Variants in NOX3 observed in about 807,000 individuals in gnomAD.
NOX3 encodes the protein NADPH oxidase 3.
NOX3 carries 74 observed loss-of-function variants against 76.7 expected under a neutral mutation model. That is an observed-to-expected ratio of 0.96 (90% CI 0.80 to 1.17). The LOEUF (loss-of-function observed/expected upper bound fraction) is 1.17. Ranked by LOEUF, NOX3 falls within the 50% of genes most tolerant of loss-of-function variation. NOX3 has a pLI of 0.00. For synonymous variants in NOX3, 263 were observed against 261.1 expected (o/e 1.01, Z -0.07); for missense variants, 695 against 703.3 (o/e 0.99, Z 0.13).
chr6:155,452,910 C>T (rs529691481), intron 4 of NOX3, among the ~76,000 whole-genome samples: 3 of 152,058 alleles, frequency 2.0e-5, no homozygotes, highest in Non-Finnish European at 2.9e-5. Context: ...CTTTATATGC[C>T]GATAAAGCTT....
chr6:155,408,530 C>T (rs1406101865), intron 11 of NOX3, among the ~76,000 whole-genome samples: 1 of 152,118 alleles, frequency 6.6e-6, no homozygotes, highest in African/African-American at 2.4e-5. Flanking sequence ...ACCTTCTCTC[C>T]AGTCTAAAAA....
chr6:155,418,545 G>GA (rs1267050682), intron 10 of NOX3, among the ~76,000 whole-genome samples: 1 of 151,930 alleles, frequency 6.6e-6, no homozygotes, highest in Non-Finnish European at 1.5e-5. Flanking sequence ...GCCTTCTTGG[G>GA]AAATCCCCTC....
intron 4 of NOX3, among the ~76,000 whole-genome samples, chr6:155,445,961 ATATATATAATATATATATGC>A (rs1249344469): frequency 0.068 from 8,204 of 120,146 alleles, 245 homozygotes; most frequent in African/African-American, 0.083. Flanking sequence ...TATATGCTAT[ATATATATAATATATATATGC>A]TATATATATA....
chr6:155,424,082 T>C (rs1018601784), intron 9 of NOX3, among the ~76,000 whole-genome samples: 10 of 152,172 alleles, frequency 6.6e-5, no homozygotes, highest in African/African-American at 1.7e-4. Context: ...TGGTTAATAG[T>C]TATTTCTCTG....
chr6:155,419,163 T>C (rs1054160817), intron 10 of NOX3, among the ~76,000 whole-genome samples: 2 of 152,218 alleles, frequency 1.3e-5, no homozygotes, highest in Non-Finnish European at 2.9e-5. Flanking sequence ...CTGACAAATA[T>C]TAGTTACATA....
chr6:155,450,779 G>C (rs889379691), intron 4 of NOX3, among the ~76,000 whole-genome samples: 1 of 152,102 alleles, frequency 6.6e-6, no homozygotes, highest in Admixed American at 6.5e-5. Context: ...TGCCCAAGGG[G>C]AAAAGCCAGG....
chr6:155,396,749 GT>G (rs1198595288), intron 13 of NOX3, 59 bp downstream of exon 13: 1 of 1,381,150 alleles, frequency 7.2e-7, no homozygotes, highest in East Asian at 2.5e-5. Context: ...AATGATTACT[GT>G]TTGGCCCCTT....
Position 155,431,403 on chromosome 6 carries a change from T to G in NOX3, c.799-468A>C, listed in dbSNP as rs551350574. Among the ~76,000 whole-genome samples, 204 of 90,444 alleles carry G rather than the reference T, an allele frequency of 2.3e-3. 2 individuals are homozygous for G. The highest frequency in any genetic ancestry group is 9.0e-3 in the African/African-American group (195 of 21,700). 59.3% of individuals were successfully genotyped at this position (90,444 alleles called of 152,430 possible). On this transcript the variant is annotated intron_variant, in intron 7 of 13. Coordinates refer to ENST00000159060, the MANE Select transcript of NOX3 (RefSeq NM_015718.3). ...ATCACAACTACAGGGTCTGCCTGAA[T>G]AAACACAGAAACACACACACACACA...
intron 4 of NOX3, among the ~76,000 whole-genome samples, chr6:155,446,662 A>G (rs189700798): frequency 2.0e-5 from 3 of 152,280 alleles, no homozygotes; most frequent in Admixed American, 1.3e-4. Flanking sequence ...ATTGAAAACT[A>G]GTTTTTTCTA....
At chr6:155,419,481 A>C (rs541071822) in intron 10 of NOX3, among the ~76,000 whole-genome samples, 7 of 152,322 alleles carry the variant, frequency 4.6e-5, no homozygotes, top group Admixed American at 4.6e-4. Flanking sequence ...AGGACCTTTA[A>C]GTTATTTTAT....
chr6:155,402,216 G>A (rs1779240368), intron 12 of NOX3, among the ~76,000 whole-genome samples: 3 of 152,104 alleles, frequency 2.0e-5, no homozygotes, highest in South Asian at 4.1e-4. Context: ...AGACATAGAT[G>A]GCAATGAATG....
At chr6:155,449,555 G>C (rs1344029403) in intron 4 of NOX3, among the ~76,000 whole-genome samples, 1 of 152,166 alleles carries the variant, frequency 6.6e-6, no homozygotes, top group African/African-American at 2.4e-5. Context: ...AAGCAGGAAG[G>C]CAGGAAGCCA....
intron 4 of NOX3, among the ~76,000 whole-genome samples, chr6:155,451,105 A>G (rs900257171): frequency 2.6e-5 from 4 of 152,046 alleles, no homozygotes; most frequent in African/African-American, 7.2e-5. Flanking sequence ...CAGCCTCCCA[A>G]GTAGTTGGGA....
In NOX3 at chr6:155,428,790, G is replaced by C. The variant is rs536475572; in HGVS notation, c.1145+4C>G. The C allele has an allele frequency of 6.8e-7, 1 of 1,477,740 alleles. No individual in the cohort carries two copies. The highest frequency in any genetic ancestry group is 9.0e-7 in the Non-Finnish European group (1 of 1,109,876). 91.5% of individuals were successfully genotyped at this position (1,477,740 alleles called of 1,614,324 possible). A position where few individuals can be genotyped will look rare whatever the true frequency, so the allele number is the denominator to read the frequency against. On this transcript the variant is annotated splice_donor_region_variant and intron_variant, in intron 9 of 13. Coordinates refer to ENST00000159060, the MANE Select transcript of NOX3 (RefSeq NM_015718.3). ...ATTTATACATGAGAGAAATGGGCAC[G>C]AACCTTGGCAGGCTCCAGGGCTCCT... is the stretch of plus-strand genomic sequence containing the variant.
intron 12 of NOX3, among the ~76,000 whole-genome samples, chr6:155,405,363 G>C (rs1009574229): frequency 2.6e-5 from 4 of 152,170 alleles, no homozygotes; most frequent in Non-Finnish European, 5.9e-5. Context: ...TCTGTGACCT[G>C]TCAATACAGT....
At chr6:155,435,357 G>A (rs1360130584) in intron 7 of NOX3, among the ~76,000 whole-genome samples, 1 of 152,058 alleles carries the variant, frequency 6.6e-6, no homozygotes, top group African/African-American at 2.4e-5. Context: ...TAATATGCAG[G>A]TTGGATAGTG....
intron 10 of NOX3, among the ~76,000 whole-genome samples, chr6:155,416,607 G>A (rs1013503338): frequency 1.3e-5 from 2 of 152,236 alleles, no homozygotes; most frequent in South Asian, 4.1e-4. Flanking sequence ...TTCTGAATGT[G>A]ATTATCCTCA....
intron 9 of NOX3, among the ~76,000 whole-genome samples, chr6:155,427,070 C>T (rs569952207): frequency 6.9e-6 from 1 of 145,724 alleles, no homozygotes; most frequent in Non-Finnish European, 1.5e-5. Flanking sequence ...TGCAGTGCAT[C>T]TACTTTTATT....
At chr6:155,425,388 T>A (rs1213380016) in intron 9 of NOX3, among the ~76,000 whole-genome samples, 1 of 152,202 alleles carries the variant, frequency 6.6e-6, no homozygotes, top group Non-Finnish European at 1.5e-5. Flanking sequence ...GCGTTTCTAA[T>A]AATGAGGCTC....
Sources: gnomAD v4.1 joint callset for allele counts (sites outside exome capture counted in the v4.1 genomes callset) on GRCh38, gnomAD v4.1.1 for gene constraint, MANE v1.5 for transcripts, NCBI Gene and HGNC (gene_info 2026-07-23, HGNC 2026-07-21) for gene names.